The following CDH18 variants were observed in gnomAD, a reference collection of about 807,000 sequenced individuals.
CDH18 encodes cadherin-18.
CDH18 carries 31 observed loss-of-function variants against 67.9 expected under a neutral mutation model. That is an observed-to-expected ratio of 0.46 (90% CI 0.34 to 0.62). The LOEUF (loss-of-function observed/expected upper bound fraction) is 0.62. Ranked by LOEUF, CDH18 falls within the 20% of genes least tolerant of loss-of-function variation. The pLI is 0.01. For synonymous variants in CDH18, 362 were observed against 347.2 expected, an observed-to-expected ratio of 1.04 and a Z score of -0.48; for missense variants, 890 against 975.5, an observed-to-expected ratio of 0.91 and a Z score of 1.17.
chr5:20,013,793 C>T (rs1156436669), intron 2 of CDH18, among the ~76,000 whole-genome samples: 6 of 152,000 alleles, frequency 3.9e-5, no homozygotes, highest in African/African-American at 1.2e-4. Flanking sequence ...ACCATATTAT[C>T]GTAAGTGTAT....
intron 1 of CDH18, among the ~76,000 whole-genome samples, chr5:20,539,578 T>C (rs1466753321): frequency 3.3e-5 from 5 of 152,142 alleles, no homozygotes; most frequent in Non-Finnish European, 5.9e-5. Flanking sequence ...TTAGGGCTTT[T>C]TGAACATTTG....
intron 1 of CDH18, among the ~76,000 whole-genome samples, chr5:20,397,881 A>G (rs1432163923): frequency 6.6e-6 from 1 of 152,226 alleles, no homozygotes; most frequent in Non-Finnish European, 1.5e-5. Context: ...CACATTTTCA[A>G]CAAAGTGAAA....
intron 3 of CDH18, among the ~76,000 whole-genome samples, chr5:19,790,198 A>G (rs1045547667): frequency 6.6e-6 from 1 of 152,058 alleles, no homozygotes; most frequent in Non-Finnish European, 1.5e-5. Context: ...AAACCTTTCT[A>G]GTTTTCCAAA....
intron 8 of CDH18, among the ~76,000 whole-genome samples, chr5:19,550,032 G>A (rs1454527585): frequency 6.6e-6 from 1 of 151,918 alleles, no homozygotes; most frequent in African/African-American, 2.4e-5. Context: ...ACATATTAGA[G>A]AAAAACAGAG....
At chr5:20,167,763 G>A (rs1268845019) in intron 2 of CDH18, among the ~76,000 whole-genome samples, 1 of 152,144 alleles carries the variant, frequency 6.6e-6, no homozygotes, top group Non-Finnish European at 1.5e-5. Flanking sequence ...GAGTAGAGTA[G>A]GATACATCAG....
intron 3 of CDH18, among the ~76,000 whole-genome samples, chr5:19,784,244 T>C (rs536674948): frequency 6.6e-6 from 1 of 152,182 alleles, no homozygotes; most frequent in Non-Finnish European, 1.5e-5. Flanking sequence ...TTTATGAGTA[T>C]GTTCAAAACT....
At chr5:20,277,323 GT>G (rs1357345351) in intron 1 of CDH18, among the ~76,000 whole-genome samples, 6 of 152,052 alleles carry the variant, frequency 3.9e-5, no homozygotes, top group African/African-American at 1.2e-4. Flanking sequence ...GACTCTGCTT[GT>G]TTTGGAAAAA....
intron 2 of CDH18, among the ~76,000 whole-genome samples, chr5:20,003,054 T>C (rs545421700): frequency 7.0e-4 from 106 of 152,154 alleles, no homozygotes; most frequent in Non-Finnish European, 1.4e-3. Context: ...ACCTATTCAA[T>C]CATTTTAGAA....
rs117640567 is a variant in CDH18, at chr5:19,530,185, G to A, written c.1391-9407C>T. Among the ~76,000 whole-genome samples the A allele has an allele frequency of 7.2e-4, 110 of 152,162 alleles. 1 individual carries two copies. The East Asian group carries it at 0.017, about 23-fold the overall frequency. On this transcript the variant is annotated intron_variant, in intron 9 of 12. Coordinates refer to ENST00000382275, the MANE Select transcript of CDH18 (RefSeq NM_004934.5). ...AGCCATAACAATTAATTGAGAAAAT[G>A]ATAGCATTAAGACAAATGGTGGATC...
chr5:19,931,995 T>C (rs567055180), intron 2 of CDH18, among the ~76,000 whole-genome samples: 10 of 151,850 alleles, frequency 6.6e-5, no homozygotes, highest in Non-Finnish European at 1.3e-4. Context: ...CTCCTCACTC[T>C]GTTCTCTTCA....
intron 9 of CDH18, among the ~76,000 whole-genome samples, chr5:19,542,866 T>C (rs1750494712): frequency 6.6e-6 from 1 of 152,088 alleles, no homozygotes; most frequent in African/African-American, 2.4e-5. Flanking sequence ...GTGAATATTC[T>C]AGAAACCATT....
chr5:20,181,682 A>G (rs1737698761), intron 2 of CDH18, among the ~76,000 whole-genome samples: 1 of 152,094 alleles, frequency 6.6e-6, no homozygotes, highest in African/African-American at 2.4e-5. Flanking sequence ...CAACACCAAT[A>G]ATAATAATTA....
intron 1 of CDH18, among the ~76,000 whole-genome samples, chr5:20,460,708 CTGTT>C (rs1299701702): frequency 2.8e-4 from 42 of 152,240 alleles, no homozygotes; most frequent in African/African-American, 7.2e-4. Flanking sequence ...TGGATGAACT[CTGTT>C]TGTAGCTCCT....
chr5:20,167,254 G>C (rs554281629), intron 2 of CDH18, among the ~76,000 whole-genome samples: 1 of 152,106 alleles, frequency 6.6e-6, no homozygotes, highest in Non-Finnish European at 1.5e-5. Context: ...CCAAATAAAT[G>C]CTTTTGTCCT....
intron 1 of CDH18, among the ~76,000 whole-genome samples, chr5:20,308,166 C>T (rs77852651): frequency 0.024 from 3,371 of 142,064 alleles, 97 homozygotes; most frequent in East Asian, 0.081. Flanking sequence ...TAAATTGCAA[C>T]GGGTGGAAAG....
chr5:19,785,685 T>C (rs1352824449), intron 3 of CDH18, among the ~76,000 whole-genome samples: 1 of 20,154 alleles, frequency 5.0e-5, no homozygotes, highest in African/African-American at 2.1e-4. Flanking sequence ...AAAAAATATA[T>C]ATATATATAT....
intron 2 of CDH18, among the ~76,000 whole-genome samples, chr5:20,061,885 T>C (rs1304849709): frequency 6.6e-6 from 1 of 152,124 alleles, no homozygotes; most frequent in Non-Finnish European, 1.5e-5. Context: ...AGAGATCATG[T>C]CCTGACTTAG....
intron 1 of CDH18, among the ~76,000 whole-genome samples, chr5:20,508,378 T>C (rs999326471): frequency 2.1e-5 from 3 of 145,166 alleles, no homozygotes; most frequent in African/African-American, 2.5e-5. Context: ...TATATTTATT[T>C]GGAAAACTTT....
chr5:19,575,484 T>C (rs7711742), intron 7 of CDH18, among the ~76,000 whole-genome samples: 18,358 of 152,144 alleles, frequency 0.12, 1,599 homozygotes, highest in African/African-American at 0.25. Flanking sequence ...CAAAAGATCA[T>C]TTCATATGGT....
Sources: allele counts gnomAD v4.1 joint callset (sites outside exome capture counted in the v4.1 genomes callset), GRCh38; gene constraint gnomAD v4.1.1; transcripts MANE v1.5; gene names NCBI Gene and HGNC (gene_info 2026-07-23, HGNC 2026-07-21).